ZNF880: variants seen among roughly 807,000 people sequenced by gnomAD.
ZNF880 encodes the protein zinc finger protein 880.
In ZNF880, 12 loss-of-function variants were observed where a neutral mutation model predicts 11.8. The observed-to-expected ratio is 1.02, with a 90% CI of 0.65 to 1.65. The LOEUF (loss-of-function observed/expected upper bound fraction) is 1.65. Ranked by LOEUF, ZNF880 falls within the 40% of genes most tolerant of loss-of-function variation. The pLI is 0.00. For synonymous variants in ZNF880, 210 were observed against 232.4 expected, an observed-to-expected ratio of 0.90 and a Z score of 0.88; for missense variants, 601 against 673.9, an observed-to-expected ratio of 0.89 and a Z score of 1.20.
chr19:52,385,552 A>C lies in ZNF880; in HGVS notation c.*238A>C. On this transcript the variant is annotated 3_prime_UTR_variant, in exon 4 of 4. Coordinates refer to ENST00000422689, the MANE Select transcript of ZNF880 (RefSeq NM_001145434.2). ...ATACATCTTGGATGAAACCATACAG[A>C]TGGATTATGTATGCTGAGGCTATTA... 2.0e-6 allele frequency: 1 copy of C among 494,782 alleles called. No individual in the cohort carries two copies. The allele number at this position is 494,782 out of a possible 1,614,324, so 30.6% of individuals were successfully genotyped here.
chr19:52,385,372 C>G lies in ZNF880; in HGVS notation c.*58C>G. 1 of 1,503,762 alleles carries G rather than the reference C, an allele frequency of 6.6e-7. No individual in the cohort carries two copies. Among genetic ancestry groups the G allele is most frequent in the Non-Finnish European group, 9.0e-7 (1 of 1,115,454 alleles). 93.2% of individuals were successfully genotyped at this position (1,503,762 alleles called of 1,614,324 possible). A position where few individuals can be genotyped will look rare whatever the true frequency, so the allele number is the denominator to read the frequency against. On this transcript the variant is annotated 3_prime_UTR_variant, in exon 4 of 4. Transcript: ENST00000422689. ...ACACCTTGCACAGCATGAGATAATT[C>G]ATTCATGAGAGAGTTCTTACAAACT...
chr19:52,371,248 G>T (rs1012760318), intron 1 of ZNF880, among the ~76,000 whole-genome samples: 62 of 152,130 alleles, frequency 4.1e-4, no homozygotes, highest in Admixed American at 1.5e-3. Context: ...GGATACATGT[G>T]CGACAGTTTC....
At chr19:52,392,821 A>G in the ZNF880 span, 1 of 163,422 alleles carries the variant, frequency 6.1e-6, no homozygotes, top group Non-Finnish European at 1.4e-5. Flanking sequence ...TGGAAGCTGT[A>G]TATATATATA....
At chr19:52,368,018 G>A (rs1036023198), upstream of ZNF880, among the ~76,000 whole-genome samples, 2 of 151,270 alleles carry the variant, frequency 1.3e-5, no homozygotes, top group African/African-American at 4.9e-5. Context: ...GGTCAACATG[G>A]TGAAACCTTG....
chr19:52,383,547 G>T (rs768347058), intron 3 of ZNF880, among the ~76,000 whole-genome samples: 1 of 152,124 alleles, frequency 6.6e-6, no homozygotes, highest in Non-Finnish European at 1.5e-5. Flanking sequence ...TGCTCTAAAA[G>T]TTCTGATTTT....
rs1455923736 is a variant in ZNF880 at position 52,384,386 on chromosome 19, A to G, written c.806A>G (p.Lys269Arg). Reference sequence around the variant, plus strand: ...ATACATACTGGAGAGAAACCTTACAAATGTCATGAGTGTGGCAAAGTCTTC... The same window carrying G: ...ATACATACTGGAGAGAAACCTTACAGATGTCATGAGTGTGGCAAAGTCTTC... ...QRIHTGEKPY[K>R]CHECGKVFTQ... The change falls in exon 4 of 4, where the codon AAA becomes AGA. Residue 269 changes from lysine (K) to arginine (R), a missense_variant. Around this residue, in one of 3 missense-constraint regions of ZNF880, gnomAD observed 420 missense variants for 442.6 expected, o/e 0.95. Coordinates refer to ENST00000422689, the MANE Select transcript of ZNF880 (RefSeq NM_001145434.2). The G allele has an allele frequency of 3.7e-6, 6 of 1,613,804 alleles. No homozygotes were observed. The highest frequency in any genetic ancestry group is 4.2e-6 in the Non-Finnish European group (5 of 1,179,802).
rs141364156 is a variant in ZNF880 at position 52,380,343 on chromosome 19, T to A, written c.269-3506T>A. On this transcript the variant is annotated intron_variant, in intron 3 of 3. Transcript: ENST00000422689. ...TAAATATTCCATATTGGATGTGAGA[T>A]GATAGCTCATTGTGTTTTTTATTTG... Among the ~76,000 whole-genome samples the A allele has an allele frequency of 4.3e-3, 647 of 152,166 alleles. 10 individuals are homozygous for A. In the East Asian group the frequency reaches 0.064, roughly 15 times the overall value.
chr19:52,367,131 CT>C (rs71335642), upstream of ZNF880: 305 of 174,108 alleles, frequency 1.8e-3, no homozygotes, highest in Middle Eastern at 9.7e-3. Context: ...TTAGTTTTTT[CT>C]TTTTTTTTTG....
At position 52,384,823 on chromosome 19, in the gene ZNF880, A is replaced by ATGAGGTCATG; in HGVS notation, c.1243_1244insTGAGGTCATG (p.Lys415MetfsTer4). 1 of 1,537,828 alleles carries ATGAGGTCATG rather than the reference A, an allele frequency of 6.5e-7. No individual in the cohort carries two copies. The highest frequency in any genetic ancestry group is 1.8e-5 in the Admixed American group (1 of 56,304). The stretch of plus-strand genomic sequence containing the variant: ...ACCTTACAAATGTAATGAATGTGGC[A>ATGAGGTCATG]AAGCATTTAGAGACTGTTCAGGCCT... On this transcript the variant is annotated stop_gained and frameshift_variant, in exon 4 of 4. Transcript: ENST00000422689. LOFTEE classifies it low-confidence loss of function (END_TRUNC).
chr19:52,379,167 AT>A (rs1447595138), intron 3 of ZNF880, among the ~76,000 whole-genome samples: 1 of 152,042 alleles, frequency 6.6e-6, no homozygotes, highest in Non-Finnish European at 1.5e-5. Context: ...TTTGTTTTAT[AT>A]GTGTGGGGAT....
At chr19:52,393,407 CTTTCT>C in the ZNF880 span, among the ~76,000 whole-genome samples, 1 of 124,946 alleles carries the variant, frequency 8.0e-6, no homozygotes, top group Non-Finnish European at 1.7e-5. Flanking sequence ...AATTTTCTTT[CTTTCT>C]TTTTTTTTTT....
At chr19:52,376,792 G>C (rs1056005956) in intron 3 of ZNF880, among the ~76,000 whole-genome samples, 2 of 152,142 alleles carry the variant, frequency 1.3e-5, no homozygotes, top group Admixed American at 6.6e-5. Context: ...TTATAGGGGT[G>C]AGAGACTGTG....
rs1986865376 is a variant in ZNF880, at chr19:52,385,670, A to C, written c.*356A>C. On this transcript the variant is annotated 3_prime_UTR_variant, in exon 4 of 4. Transcript: ENST00000422689. ...ATATTTATGATACTGCATGCTGCAG[A>C]AAAGTCACAGCTCCAAATACGTTGA... is the stretch of plus-strand genomic sequence containing the variant. The C allele has an allele frequency of 1.5e-5, 3 of 199,838 alleles. 1 individual carries two copies. The Admixed American group carries it at 1.6e-4, about 11-fold the overall frequency. The allele number at this position is 199,838 out of a possible 1,614,324, so 12.4% of individuals were successfully genotyped here.
chr19:52,394,649 T>C, the ZNF880 span: 1 of 152,348 alleles, frequency 6.6e-6, no homozygotes, highest in Middle Eastern at 3.4e-3. Flanking sequence ...AATCATTTCA[T>C]CAGTTTCCTA....
downstream of ZNF880, among the ~76,000 whole-genome samples, chr19:52,386,714 A>G (rs1986895264): frequency 7.2e-6 from 1 of 139,178 alleles, no homozygotes; most frequent in Non-Finnish European, 1.5e-5. Context: ...AGGCAGGAGA[A>G]TCGCTTGAAC....
At chr19:52,393,067 GTT>G in the ZNF880 span, among the ~76,000 whole-genome samples, 33 of 141,760 alleles carry the variant, frequency 2.3e-4, no homozygotes, top group Middle Eastern at 3.6e-3. Context: ...AATCCTGTTA[GTT>G]TTTTTTTTTT....
chr19:52,393,278 G>A, the ZNF880 span, among the ~76,000 whole-genome samples: 28 of 151,784 alleles, frequency 1.8e-4, no homozygotes, highest in Non-Finnish European at 4.1e-4. Flanking sequence ...TCACCAAGTT[G>A]GCCAGGCTGG....
downstream of ZNF880, among the ~76,000 whole-genome samples, chr19:52,386,802 CAAAAAAAAA>C (rs71180452): frequency 1.3e-5 from 1 of 79,928 alleles, no homozygotes; most frequent in South Asian, 3.7e-4. Context: ...AACTCTGTCT[CAAAAAAAAA>C]AAAAAAAAAA....
At chr19:52,368,973 CAAAAAAA>C (rs3029482), upstream of ZNF880, among the ~76,000 whole-genome samples, 19 of 71,850 alleles carry the variant, frequency 2.6e-4, no homozygotes, top group South Asian at 5.0e-4. Context: ...GAGACCATCT[CAAAAAAA>C]AAAAAAAAAA....
Sources: allele counts gnomAD v4.1 joint callset (sites outside exome capture counted in the v4.1 genomes callset), GRCh38; gene constraint gnomAD v4.1.1; regional missense constraint gnomAD v4.1.1; transcripts MANE v1.5; gene names NCBI Gene and HGNC (gene_info 2026-07-23, HGNC 2026-07-21).